Variants in C16orf96 observed in about 807,000 individuals in gnomAD.
The protein encoded by C16orf96 is chromosome 16 open reading frame 96.
In C16orf96, 108 loss-of-function variants were observed where a neutral mutation model predicts 103.6. That is an observed-to-expected ratio of 1.04 (90% CI 0.89 to 1.22). The LOEUF is 1.22. Ranked by LOEUF, C16orf96 falls within the 50% of genes most tolerant of loss-of-function variation. The pLI, the probability that C16orf96 is intolerant of heterozygous loss-of-function variation, is 0.00. For missense variants in C16orf96, 1,586 were observed against 1,464.2 expected, an observed-to-expected ratio of 1.08 and a Z score of -1.36; for synonymous variants, 566 against 593.5, an observed-to-expected ratio of 0.95 and a Z score of 0.67.
Position 4,587,036 on chromosome 16 carries a change from T to G in C16orf96, c.2353-3T>G. ...GCAGACATGCCTGTGCTTCTGTTCT[T>G]AGACTCTCCAGGCTCAAATCAAAAG... On this transcript the variant is annotated splice_polypyrimidine_tract_variant and splice_region_variant and intron_variant, in intron 7 of 15. Transcript: ENST00000444310. The G allele has an allele frequency of 6.4e-7, 1 of 1,551,398 alleles. No individual in the cohort carries two copies. Among genetic ancestry groups the G allele is most frequent in the South Asian group, 1.2e-5 (1 of 84,056 alleles).
At chr16:4,564,735 C>T (rs762203566) in intron 1 of C16orf96, among the ~76,000 whole-genome samples, 36 of 152,158 alleles carry the variant, frequency 2.4e-4, no homozygotes, top group African/African-American at 7.7e-4. Flanking sequence ...CGCTTGAACC[C>T]GAGAGGTGGA....
At chr16:4,540,624 G>A in the C16orf96 span, among the ~76,000 whole-genome samples, 2 of 151,974 alleles carry the variant, frequency 1.3e-5, no homozygotes, top group East Asian at 1.9e-4. Flanking sequence ...CTATTCGGGA[G>A]GCTGAGGCAG....
Position 4,575,748 on chromosome 16 carries a change from C to T in C16orf96, c.1268C>T (p.Ala423Val), listed in dbSNP as rs980659276. The T allele has an allele frequency of 7.3e-5, 113 of 1,545,680 alleles. No homozygotes were observed. Among genetic ancestry groups the T allele is most frequent in the Non-Finnish European group, 9.4e-5 (108 of 1,144,454 alleles). The change falls in exon 5 of 16, where the codon GCC (alanine) becomes GTC (valine). Residue 423 changes from alanine (A) to valine (V), a missense_variant. By Grantham distance (64) the Ala-to-Val change is moderately conservative. Transcript: ENST00000444310. ...CCAACTCAGCCCCAACCCTCCAGGGCCCCACCACCAGCCACTGAGTTTGGC... is the reference window on the plus strand; with the variant it reads ...CCAACTCAGCCCCAACCCTCCAGGGTCCCACCACCAGCCACTGAGTTTGGC... ...LRPTQPQPSR[A>V]PPPATEFGSL...
the C16orf96 span, among the ~76,000 whole-genome samples, chr16:4,547,373 G>A: frequency 6.6e-6 from 1 of 152,144 alleles, no homozygotes; most frequent in Non-Finnish European, 1.5e-5. Context: ...CTGACCTCAA[G>A]TAATCCACCC....
intron 14 of C16orf96, among the ~76,000 whole-genome samples, chr16:4,597,479 G>C (rs1490827715): frequency 6.6e-6 from 1 of 151,978 alleles, no homozygotes; most frequent in East Asian, 1.9e-4. Context: ...AGAGGGAGGG[G>C]CTTTCCCCCT....
chr16:4,573,315 C>G (rs915009030), intron 2 of C16orf96, among the ~76,000 whole-genome samples: 3 of 151,412 alleles, frequency 2.0e-5, no homozygotes, highest in Admixed American at 6.6e-5. Flanking sequence ...TGCAGGCACC[C>G]GTAACCCCAG....
rs557054681 is a variant in C16orf96 at position 4,597,507 on chromosome 16, A to G, written c.3128-1777A>G. 1.6e-4 allele frequency among the ~76,000 whole-genome samples: 24 copies of G among 150,998 alleles called. No homozygotes were observed. The South Asian group carries it at 4.6e-3, about 29-fold the overall frequency. On this transcript the variant is annotated intron_variant, in intron 14 of 15. Transcript: ENST00000444310. ...TTCCCCCTTGGCTCATTCATTCCCA[A>G]GACCCACACAGCAAGCCAGGACTTG...
At chr16:4,592,682 A>G (rs1897086679) in intron 11 of C16orf96, among the ~76,000 whole-genome samples, 1 of 152,190 alleles carries the variant, frequency 6.6e-6, no homozygotes, top group Non-Finnish European at 1.5e-5. Context: ...GTCCACATAC[A>G]CTGTTCTACA....
chr16:4,575,825 C>T lies in C16orf96; in HGVS notation c.1345C>T (p.Leu449Phe), dbSNP rs934780775. ...QPYQSRQGEALQLAAVQVKGE... is the reference protein window; with the variant it reads ...QPYQSRQGEAFQLAAVQVKGE... ...ATATCAGTCTCGCCAGGGAGAAGCC[C>T]TCCAGCTCGCAGCTGTCCAAGTAAA... Residue 449 changes from leucine (L) to phenylalanine (F), a missense_variant, in exon 5 of 16, where the codon CTC becomes TTC. Transcript: ENST00000444310. 1.7e-5 allele frequency: 27 copies of T among 1,551,132 alleles called. No individual in the cohort carries two copies. The African/African-American group carries it at 3.3e-4, about 19-fold the overall frequency.
intron 3 of C16orf96, 25 bp from the exon 4 acceptor site, chr16:4,574,947 C>G: frequency 6.5e-7 from 1 of 1,549,340 alleles, no homozygotes; most frequent in East Asian, 2.4e-5. Flanking sequence ...GCTCACAGCC[C>G]TCATTTTCTA....
In C16orf96 at chr16:4,598,336, A is replaced by G. The variant is rs1897216259; in HGVS notation, c.3128-948A>G. On this transcript the variant is annotated intron_variant, in intron 14 of 15. Coordinates refer to ENST00000444310, the MANE Select transcript of C16orf96 (RefSeq NM_001145011.2). Reference sequence around the variant, plus strand: ...ACTGCACTGCAGCCTGGGCAAAAGAATGAGACTTGGTCTCAAACAAAAAAG... The same window carrying G: ...ACTGCACTGCAGCCTGGGCAAAAGAGTGAGACTTGGTCTCAAACAAAAAAG... Among the ~76,000 whole-genome samples the G allele has an allele frequency of 3.3e-5, 5 of 150,144 alleles. No homozygotes were observed. The South Asian group carries it at 1.1e-3, about 32-fold the overall frequency.
rs756723680 is a variant in C16orf96 at position 4,575,944 on chromosome 16, C to T, written c.1464C>T (p.Val488=). The T allele has an allele frequency of 2.6e-6, 4 of 1,550,078 alleles. No homozygotes were observed. The South Asian group carries it at 4.8e-5, about 18-fold the overall frequency. Residue 488 remains valine, a synonymous_variant, in exon 5 of 16, where the codon GTC becomes GTT. Transcript: ENST00000444310. Reference sequence around the variant, plus strand: ...AGGATAGAACTCGCAAGGATGGGGTCCCCAAAGATAGAGGTGGCAAGGATG... The same window carrying T: ...AGGATAGAACTCGCAAGGATGGGGTTCCCAAAGATAGAGGTGGCAAGGATG... ...APKDRTRKDG[V]PKDRGGKDVD...
chr16:4,594,854 G>T, intron 14 of C16orf96, 51 bp downstream of exon 14: 1 of 1,524,080 alleles, frequency 6.6e-7, no homozygotes, highest in Non-Finnish European at 8.9e-7. Flanking sequence ...CCCTGGTTCT[G>T]CTGGGCAGGG....
chr16:4,557,442 T>C (rs2059278213), intron 1 of C16orf96, among the ~76,000 whole-genome samples: 1 of 152,158 alleles, frequency 6.6e-6, no homozygotes, highest in African/African-American at 2.4e-5. Flanking sequence ...ATTCCATTTA[T>C]ACGAAATGTC....
the C16orf96 span, among the ~76,000 whole-genome samples, chr16:4,546,314 G>A: frequency 1.3e-5 from 2 of 151,444 alleles, no homozygotes; most frequent in African/African-American, 4.9e-5. Flanking sequence ...GCCCGCTACC[G>A]CGCCCAGCTA....
chr16:4,590,157 T>C (rs1015829294), intron 9 of C16orf96, among the ~76,000 whole-genome samples: 7 of 151,630 alleles, frequency 4.6e-5, no homozygotes, highest in African/African-American at 1.7e-4. Context: ...GCACAGTGGC[T>C]CACACCTATA....
At chr16:4,547,462 T>C in the C16orf96 span, among the ~76,000 whole-genome samples, 2 of 148,670 alleles carry the variant, frequency 1.3e-5, no homozygotes, top group Non-Finnish European at 2.9e-5. Flanking sequence ...TCAGTTTACA[T>C]TAAATGTCCA....
In C16orf96 at chr16:4,592,518, G is replaced by A. The variant is rs562421650; in HGVS notation, c.2774+151G>A. ...CTCTCCAGCCATCAAGTCCATACAC[G>A]CCCACATGCACCATTCTCTATGCAC... On this transcript the variant is annotated intron_variant, in intron 11 of 15. Transcript: ENST00000444310. 1.4e-4 allele frequency among the ~76,000 whole-genome samples: 21 copies of A among 152,090 alleles called. 2 individuals are homozygous for A. In the South Asian group the frequency reaches 3.7e-3, roughly 27 times the overall value.
chr16:4,579,520 C>G (rs1013866569), intron 6 of C16orf96, among the ~76,000 whole-genome samples: 6 of 137,232 alleles, frequency 4.4e-5, no homozygotes, highest in African/African-American at 1.6e-4. Flanking sequence ...CGCCGCTGCA[C>G]TCTAGCCTGG....
Sources: allele counts gnomAD v4.1 joint callset (sites outside exome capture counted in the v4.1 genomes callset), GRCh38; gene constraint gnomAD v4.1.1; transcripts MANE v1.5; gene names NCBI Gene and HGNC (gene_info 2026-07-23, HGNC 2026-07-21).